CLNK: variants seen among roughly 807,000 people sequenced by gnomAD.
CLNK encodes cytokine dependent hematopoietic cell linker.
A neutral mutation model predicts 68.6 loss-of-function variants in CLNK; 74 were observed. That is an observed-to-expected ratio of 1.08 (90% CI 0.89 to 1.31). CLNK has a LOEUF of 1.31. CLNK is among the 50% of genes most tolerant of loss of function. The pLI is 0.00. For synonymous variants in CLNK, 198 were observed against 172.2 expected (o/e 1.15, Z -1.17); for missense variants, 553 against 515.3 (o/e 1.07, Z -0.71).
At chr4:10,653,932 T>C (rs894917144) in intron 2 of CLNK, among the ~76,000 whole-genome samples, 4 of 152,216 alleles carry the variant, frequency 2.6e-5, no homozygotes, top group African/African-American at 9.6e-5. Context: ...ATAGTAAAAC[T>C]GACTATCTTT....
chr4:10,656,244 A>G (rs1476064346), intron 2 of CLNK, among the ~76,000 whole-genome samples: 1 of 151,736 alleles, frequency 6.6e-6, no homozygotes, highest in Non-Finnish European at 1.5e-5. Flanking sequence ...TCAAAAGAGA[A>G]TAACAACTCA....
intron 5 of CLNK, among the ~76,000 whole-genome samples, chr4:10,567,894 G>A (rs1185891044): frequency 6.6e-6 from 1 of 152,130 alleles, no homozygotes; most frequent in African/African-American, 2.4e-5. Context: ...ACAACACCAA[G>A]ATGATTTAAA....
intron 4 of CLNK, among the ~76,000 whole-genome samples, chr4:10,572,104 G>T (rs1263681725): frequency 6.6e-6 from 1 of 152,170 alleles, no homozygotes. Context: ...CACAGCAATT[G>T]CTCCCGAAGT....
chr4:10,706,163 G>A, the CLNK span, among the ~76,000 whole-genome samples: 1 of 152,210 alleles, frequency 6.6e-6, no homozygotes, highest in Non-Finnish European at 1.5e-5. Context: ...TGTGGGAATA[G>A]GTGTAGTGGA....
At position 10,592,838 on chromosome 4, in the gene CLNK, G is replaced by A. The variant is rs1032813071; in HGVS notation, c.83+5140C>T. Among the ~76,000 whole-genome samples, 8 of 152,022 alleles carry A rather than the reference G, an allele frequency of 5.3e-5. No homozygotes were observed. The East Asian group carries it at 1.5e-3, about 29-fold the overall frequency. The stretch of plus-strand genomic sequence containing the variant: ...CCTCCCGAGTTCAAGAGATTTTCCT[G>A]CCTCAGCCTCCCTTGTAGCTTGGAT... On this transcript the variant is annotated intron_variant, in intron 3 of 18. Coordinates refer to ENST00000226951, the MANE Select transcript of CLNK (RefSeq NM_052964.4).
chr4:10,702,127 T>C, the CLNK span, among the ~76,000 whole-genome samples: 1,454 of 152,214 alleles, frequency 9.6e-3, 33 homozygotes, highest in African/African-American at 0.033. Flanking sequence ...ATTGAAGATG[T>C]TTTACATACA....
In CLNK at chr4:10,490,700, T is replaced by G. The variant is rs79497532; in HGVS notation, c.1141-87A>C. ...TATAGCCAAGGTGCTTCATTTTGCA[T>G]GGGGAAGAGGTGAACCAATTTAACA... On this transcript the variant is annotated intron_variant, in intron 18 of 18. Coordinates refer to ENST00000226951, the MANE Select transcript of CLNK (RefSeq NM_052964.4). 2.4e-4 allele frequency: 258 copies of G among 1,090,722 alleles called. 1 individual carries two copies. The East Asian group carries it at 6.7e-3, about 28-fold the overall frequency. The allele number at this position is 1,090,722 out of a possible 1,614,324, so 67.6% of individuals were successfully genotyped here.
intron 1 of CLNK, among the ~76,000 whole-genome samples, chr4:10,669,022 C>A (rs559785786): frequency 2.0e-5 from 3 of 152,292 alleles, no homozygotes; most frequent in African/African-American, 4.8e-5. Context: ...AACACCCATC[C>A]CGCAATAAGA....
chr4:10,713,296 C>T, the CLNK span, among the ~76,000 whole-genome samples: 1 of 152,116 alleles, frequency 6.6e-6, no homozygotes, highest in Admixed American at 6.6e-5. Flanking sequence ...ATGGTGTTGT[C>T]AAGTGTCCCA....
At position 10,571,727 on chromosome 4, in the gene CLNK, A is replaced by G. The variant is rs763982280; in HGVS notation, c.150+14T>C. 1 of 1,605,610 alleles carries G rather than the reference A, an allele frequency of 6.2e-7. No individual in the cohort carries two copies. The highest frequency in any genetic ancestry group is 8.5e-7 in the Non-Finnish European group (1 of 1,172,620). On this transcript the variant is annotated intron_variant, in intron 5 of 18. Coordinates refer to ENST00000226951, the MANE Select transcript of CLNK (RefSeq NM_052964.4). The stretch of plus-strand genomic sequence containing the variant: ...AAAGACGTATAAAATAGATAAGGGA[A>G]GCAGCTGACTTACCCAGTCTAGAAG...
chr4:10,717,439 T>C, the CLNK span, among the ~76,000 whole-genome samples: 2 of 152,036 alleles, frequency 1.3e-5, no homozygotes, highest in African/African-American at 4.8e-5. Context: ...CTATTAAAAA[T>C]ACAAAAATCA....
chr4:10,525,917 G>A lies in CLNK; in HGVS notation c.655C>T (p.His219Tyr). Residue 219 changes from histidine (H) to tyrosine (Y), a missense_variant, in exon 14 of 19, where the codon CAT (histidine) becomes TAT (tyrosine). By Grantham distance (83) the His-to-Tyr change is moderately conservative (BLOSUM62 2). Coordinates refer to ENST00000226951, the MANE Select transcript of CLNK (RefSeq NM_052964.4). ...SEVLEAEKVP[H>Y]NQRKPESTHL... ...GTTGATTCAGGCTTCCTCTGGTTATGAGGAACTATATAAAACAGTGACATA... is the reference window on the plus strand; with the variant it reads ...GTTGATTCAGGCTTCCTCTGGTTATAAGGAACTATATAAAACAGTGACATA... 4 of 1,559,708 alleles carry A rather than the reference G, an allele frequency of 2.6e-6. No homozygotes were observed. Among genetic ancestry groups the A allele is most frequent in the Non-Finnish European group, 3.5e-6 (4 of 1,146,692 alleles).
chr4:10,601,158 C>G (rs1302308935), intron 2 of CLNK, among the ~76,000 whole-genome samples: 7 of 152,110 alleles, frequency 4.6e-5, no homozygotes, highest in Non-Finnish European at 1.0e-4. Flanking sequence ...GCATTTAGTT[C>G]CAGGTGGCCA....
chr4:10,497,557 C>T (rs1716863856), intron 18 of CLNK, among the ~76,000 whole-genome samples: 2 of 152,294 alleles, frequency 1.3e-5, no homozygotes, highest in African/African-American at 4.8e-5. Context: ...CTATGGCCTG[C>T]CATAGGAGAT....
chr4:10,681,063 C>G (rs3924879), intron 1 of CLNK, among the ~76,000 whole-genome samples: 6,196 of 152,230 alleles, frequency 0.041, 189 homozygotes, highest in Middle Eastern at 0.1. Context: ...AGGCATCAGA[C>G]CACCCATAGC....
intron 8 of CLNK, among the ~76,000 whole-genome samples, chr4:10,543,806 C>T (rs1162808956): frequency 6.6e-6 from 1 of 152,184 alleles, no homozygotes; most frequent in Non-Finnish European, 1.5e-5. Flanking sequence ...AGGTAGGATT[C>T]ACTTCTTTAT....
intron 3 of CLNK, among the ~76,000 whole-genome samples, chr4:10,594,153 CTA>C (rs778263521): frequency 1.3e-4 from 20 of 152,210 alleles, no homozygotes; most frequent in Non-Finnish European, 2.4e-4. Flanking sequence ...GTATCCAGGA[CTA>C]TGTCTCGTTC....
At chr4:10,574,905 C>T (rs895456740) in intron 4 of CLNK, among the ~76,000 whole-genome samples, 9 of 152,188 alleles carry the variant, frequency 5.9e-5, no homozygotes, top group Admixed American at 5.2e-4. Context: ...CTCAGTCAAT[C>T]ACGACCCTCT....
intron 1 of CLNK, among the ~76,000 whole-genome samples, chr4:10,678,312 A>G (rs1397431645): frequency 1.3e-5 from 2 of 152,184 alleles, no homozygotes; most frequent in Non-Finnish European, 2.9e-5. Flanking sequence ...TAAGATGATG[A>G]AAGTGAAAGC....
Sources: allele counts gnomAD v4.1 joint callset (sites outside exome capture counted in the v4.1 genomes callset), GRCh38; gene constraint gnomAD v4.1.1; transcripts MANE v1.5; gene names NCBI Gene and HGNC (gene_info 2026-07-23, HGNC 2026-07-21).